Variants in GATB observed in about 807,000 individuals in gnomAD.
GATB encodes glutamyl-tRNA(Gln) amidotransferase subunit B, mitochondrial.
In GATB, 39 loss-of-function variants were observed where a neutral mutation model predicts 62.3. That is an observed-to-expected ratio of 0.63 (90% confidence interval 0.48 to 0.82). The LOEUF (loss-of-function observed/expected upper bound fraction) is 0.82. Ranked by LOEUF, GATB falls within the 40% of genes least tolerant of loss-of-function variation. GATB has a pLI of 0.00. For synonymous variants in GATB, 276 were observed against 258.9 expected, an observed-to-expected ratio of 1.07 and a Z score of -0.63; for missense variants, 670 against 684.0, an observed-to-expected ratio of 0.98 and a Z score of 0.23.
intron 2 of GATB, among the ~76,000 whole-genome samples, chr4:151,732,625 C>T (rs1048747847): frequency 6.6e-6 from 1 of 151,632 alleles, no homozygotes; most frequent in African/African-American, 2.4e-5. Flanking sequence ...GAGACCTTTG[C>T]TCACTTGTTT....
Position 151,672,926 on chromosome 4 carries a change from A to T in GATB, c.1411-30T>A, listed in dbSNP as rs760510978. On this transcript the variant is annotated intron_variant, in intron 11 of 12. Transcript: ENST00000263985. ...GGACCAGAGAAGGGAGAGGAAAGAG[A>T]AATGAGAAGTCAGCTCTTCTGCCAG... 18 of 1,612,104 alleles carry T rather than the reference A, an allele frequency of 1.1e-5. No individual in the cohort carries two copies. The South Asian group carries it at 2.0e-4, about 18-fold the overall frequency.
At chr4:151,716,257 T>A in intron 4 of GATB, 126 bp from the exon 5 acceptor site, 18 of 758,158 alleles carry the variant, frequency 2.4e-5, no homozygotes, top group Non-Finnish European at 3.3e-5. Flanking sequence ...AGCCTCTCAA[T>A]CATTTCTCTT....
At chr4:151,678,641 C>T (rs980287600) in intron 11 of GATB, among the ~76,000 whole-genome samples, 2 of 151,916 alleles carry the variant, frequency 1.3e-5, no homozygotes, top group African/African-American at 2.4e-5. Flanking sequence ...TTATTAGTCC[C>T]GTCTCCAGTT....
chr4:151,708,636 T>C (rs889953067), intron 5 of GATB, among the ~76,000 whole-genome samples: 1 of 152,200 alleles, frequency 6.6e-6, no homozygotes, highest in African/African-American at 2.4e-5. Context: ...AATCTGGGCT[T>C]TCCCCCCTCC....
At chr4:151,735,757 TGATGGA>T (rs1739361412) in intron 2 of GATB, among the ~76,000 whole-genome samples, 7 of 136,318 alleles carry the variant, frequency 5.1e-5, no homozygotes, top group South Asian at 2.6e-4. Context: ...TATATATATA[TGATGGA>T]ATACTACTCA....
intron 2 of GATB, among the ~76,000 whole-genome samples, chr4:151,740,949 A>T (rs961158447): frequency 6.6e-6 from 1 of 152,086 alleles, no homozygotes; most frequent in Non-Finnish European, 1.5e-5. Flanking sequence ...TTATATCACC[A>T]AAAGACTCCT....
intron 2 of GATB, among the ~76,000 whole-genome samples, chr4:151,755,978 G>A (rs1739820873): frequency 6.6e-6 from 1 of 152,122 alleles, no homozygotes; most frequent in Non-Finnish European, 1.5e-5. Flanking sequence ...CTTTATTTGA[G>A]GGTAAAAAGA....
intron 2 of GATB, among the ~76,000 whole-genome samples, chr4:151,733,707 TACTA>T (rs1739313929): frequency 6.6e-6 from 1 of 152,120 alleles, no homozygotes; most frequent in African/African-American, 2.4e-5. Context: ...CCTTACAAAA[TACTA>T]GCTATCCGAA....
In GATB at chr4:151,672,064, T is replaced by C. The variant is rs1037227873; in HGVS notation, c.1545+698A>G. On this transcript the variant is annotated intron_variant, in intron 12 of 12. Coordinates refer to ENST00000263985, the MANE Select transcript of GATB (RefSeq NM_004564.3). ...CTCATTTTCCTTATCGAGAGCTCTT[T>C]ACAGAGCTGTGAGTGTCCCCGGCAA... Among the ~76,000 whole-genome samples the C allele has an allele frequency of 3.9e-5, 6 of 152,190 alleles. No homozygotes were observed. The East Asian group carries it at 7.7e-4, about 20-fold the overall frequency.
At chr4:151,716,205 C>A in intron 4 of GATB, 74 bp from the exon 5 acceptor site, 1 of 1,520,942 alleles carries the variant, frequency 6.6e-7, no homozygotes, top group Admixed American at 1.9e-5. Context: ...GCCTAAGTTT[C>A]AGGAAAACCC....
intron 2 of GATB, among the ~76,000 whole-genome samples, chr4:151,725,942 C>T (rs1340897210): frequency 6.6e-6 from 1 of 152,184 alleles, no homozygotes; most frequent in African/African-American, 2.4e-5. Context: ...AGTATCAGCA[C>T]ATCCTTAAAA....
intron 2 of GATB, among the ~76,000 whole-genome samples, chr4:151,738,499 G>A (rs1739423618): frequency 6.6e-6 from 1 of 152,218 alleles, no homozygotes; most frequent in African/African-American, 2.4e-5. Context: ...GGAATGGTAA[G>A]TCCAATAAAC....
At chr4:151,758,971 A>T (rs1164365344) in intron 1 of GATB, 49 bp from the exon 2 acceptor site, 2 of 1,378,370 alleles carry the variant, frequency 1.5e-6, no homozygotes, top group Admixed American at 4.5e-5. Flanking sequence ...TGTCACCATG[A>T]ATGAATTTCT....
chr4:151,694,888 G>A (rs761936307), intron 9 of GATB, among the ~76,000 whole-genome samples: 2 of 152,210 alleles, frequency 1.3e-5, no homozygotes, highest in Non-Finnish European at 2.9e-5. Context: ...ACAACCAGCT[G>A]TAGTCATGAT....
chr4:151,676,574 CT>C (rs1339536598), intron 11 of GATB: 1 of 152,234 alleles, frequency 6.6e-6, no homozygotes, highest in African/African-American at 2.4e-5. Context: ...AGCTGTAACT[CT>C]GACAGTTTGG....
chr4:151,709,474 G>A (rs962612276), intron 5 of GATB, among the ~76,000 whole-genome samples: 7 of 152,174 alleles, frequency 4.6e-5, no homozygotes, highest in African/African-American at 1.7e-4. Context: ...TGCATCTCAG[G>A]AAGTCCCAAC....
At chr4:151,720,707 T>A (rs976830048) in intron 2 of GATB, 5 of 151,962 alleles carry the variant, frequency 3.3e-5, no homozygotes, top group African/African-American at 9.7e-5. Context: ...AAAACAAAAC[T>A]AAGACCCAAA....
intron 9 of GATB, among the ~76,000 whole-genome samples, chr4:151,693,085 G>A (rs944382303): frequency 2.6e-5 from 4 of 152,132 alleles, no homozygotes; most frequent in Non-Finnish European, 5.9e-5. Flanking sequence ...CATCACCTGC[G>A]TATCAACGCA....
intron 9 of GATB, among the ~76,000 whole-genome samples, chr4:151,699,387 CAAA>C (rs35279340): frequency 1.0e-4 from 8 of 80,090 alleles, no homozygotes; most frequent in Admixed American, 1.4e-4. Flanking sequence ...GACCCTGTCT[CAAA>C]AAAAAAAAAA....
Sources: allele counts gnomAD v4.1 joint callset (sites outside exome capture counted in the v4.1 genomes callset), GRCh38; gene constraint gnomAD v4.1.1; transcripts MANE v1.5; gene names NCBI Gene and HGNC (gene_info 2026-07-23, HGNC 2026-07-21).